Variants in ERC1 observed in about 807,000 individuals in gnomAD.
ERC1 encodes RAB6 interacting protein 2.
Under a neutral mutation model 132.0 loss-of-function variants are expected in ERC1, and 56 were observed. The observed-to-expected ratio is 0.42, with a 90% CI of 0.34 to 0.53. ERC1 has a LOEUF of 0.53. Ranked by LOEUF, ERC1 falls within the 20% of genes least tolerant of loss-of-function variation. The pLI, the probability that ERC1 is intolerant of heterozygous loss-of-function variation, is 0.03. For missense variants in ERC1, 1,202 were observed against 1,349.9 expected (o/e 0.89, Z 1.72); for synonymous variants, 478 against 476.1 (o/e 1.00, Z -0.05).
intron 18 of ERC1, among the ~76,000 whole-genome samples, chr12:1,484,551 T>A (rs1204321424): frequency 4.4e-4 from 67 of 151,948 alleles, no homozygotes; most frequent in Non-Finnish European, 7.4e-5. Flanking sequence ...TTATATTTCT[T>A]GTTCGTTTGT....
Position 1,145,615 on chromosome 12 carries a change from G to C in ERC1, c.1737+3828G>C, listed in dbSNP as rs182015882. Among the ~76,000 whole-genome samples the C allele has an allele frequency of 9.2e-5, 14 of 152,212 alleles. No homozygotes were observed. The East Asian group carries it at 2.7e-3, about 29-fold the overall frequency. On this transcript the variant is annotated intron_variant, in intron 8 of 18. Transcript: ENST00000360905. ...ATCTATTTATCTTTTTGTTGCATTT[G>C]CTTTTGGGTTCTTGTTCATGAAGTC...
chr12:1,336,482 ATTTC>A (rs1333004928), intron 15 of ERC1, among the ~76,000 whole-genome samples: 3 of 152,106 alleles, frequency 2.0e-5, no homozygotes, highest in African/African-American at 7.2e-5. Flanking sequence ...GAACTTCTTG[ATTTC>A]TGCCTTAGTT....
chr12:1,461,671 AAATAAT>A (rs953155266), intron 18 of ERC1, among the ~76,000 whole-genome samples: 1 of 152,120 alleles, frequency 6.6e-6, no homozygotes, highest in Non-Finnish European at 1.5e-5. Flanking sequence ...CTGTCTCAAA[AAATAAT>A]AATAATAATA....
chr12:1,219,632 T>C (rs1335092537), intron 12 of ERC1, among the ~76,000 whole-genome samples: 1 of 131,940 alleles, frequency 7.6e-6, no homozygotes, highest in Non-Finnish European at 1.6e-5. Flanking sequence ...CAGACTGAAC[T>C]CTCTTTTTTT....
intron 18 of ERC1, among the ~76,000 whole-genome samples, chr12:1,474,214 C>T (rs189691311): frequency 3.9e-4 from 60 of 152,192 alleles, no homozygotes; most frequent in African/African-American, 1.3e-3. Context: ...TGTGACACAT[C>T]CTGGGACTTA....
intron 1 of ERC1, among the ~76,000 whole-genome samples, chr12:997,713 G>C (rs577702159): frequency 1.3e-5 from 2 of 152,156 alleles, no homozygotes; most frequent in Non-Finnish European, 2.9e-5. Context: ...AAGATTTTAC[G>C]TAAGGGTTTG....
chr12:1,441,241 A>G (rs990216378), intron 17 of ERC1, among the ~76,000 whole-genome samples: 4 of 151,642 alleles, frequency 2.6e-5, no homozygotes, highest in African/African-American at 9.7e-5. Flanking sequence ...GTATTTTTTT[A>G]GTAGAGATGG....
intron 7 of ERC1, among the ~76,000 whole-genome samples, chr12:1,122,253 ATC>A (rs1200149935): frequency 0.041 from 249 of 6,052 alleles, no homozygotes; most frequent in East Asian, 0.18. Context: ...CTCTATCTCT[ATC>A]TCTATCTCTA....
At chr12:1,033,599 G>T (rs1968493661) in intron 2 of ERC1, among the ~76,000 whole-genome samples, 1 of 152,058 alleles carries the variant, frequency 6.6e-6, no homozygotes, top group East Asian at 1.9e-4. Flanking sequence ...GAGTGGCCAG[G>T]ATTACAGGCG....
chr12:1,059,109 T>C (rs751553354), intron 2 of ERC1, among the ~76,000 whole-genome samples: 3 of 152,222 alleles, frequency 2.0e-5, no homozygotes, highest in Non-Finnish European at 1.5e-5. Context: ...GTAAATGGGA[T>C]TGCATTCTTG....
At chr12:1,045,965 TCAG>T (rs1971012358) in intron 2 of ERC1, among the ~76,000 whole-genome samples, 1 of 152,130 alleles carries the variant, frequency 6.6e-6, no homozygotes, top group Non-Finnish European at 1.5e-5. Flanking sequence ...TCAGTCAACA[TCAG>T]CAGGTGTAAA....
At chr12:1,296,544 G>A (rs2079963535) in intron 15 of ERC1, among the ~76,000 whole-genome samples, 1 of 151,428 alleles carries the variant, frequency 6.6e-6, no homozygotes, top group Non-Finnish European at 1.5e-5. Flanking sequence ...CTCCCGAGTA[G>A]CTGGGATTAC....
chr12:1,290,686 A>G (rs1421801096), intron 15 of ERC1, among the ~76,000 whole-genome samples: 1 of 152,260 alleles, frequency 6.6e-6, no homozygotes, highest in South Asian at 2.1e-4. Context: ...CTCATTTACC[A>G]TTCCTAATCC....
intron 18 of ERC1, among the ~76,000 whole-genome samples, chr12:1,472,920 A>G (rs1469288003): frequency 6.6e-6 from 1 of 152,244 alleles, no homozygotes; most frequent in African/African-American, 2.4e-5. Context: ...AAGTCCCTTT[A>G]TATCACCACT....
chr12:1,451,796 T>TG (rs1175129593), intron 18 of ERC1, among the ~76,000 whole-genome samples: 1 of 152,176 alleles, frequency 6.6e-6, no homozygotes, highest in Admixed American at 6.5e-5. Flanking sequence ...ATTCCTATGT[T>TG]GAAGTCTTAA....
chr12:1,058,695 A>G (rs1254781868), intron 2 of ERC1, among the ~76,000 whole-genome samples: 1 of 151,092 alleles, frequency 6.6e-6, no homozygotes, highest in Non-Finnish European at 1.5e-5. Context: ...CTGGTTCCAT[A>G]TAAACTTGAG....
At chr12:1,217,039 G>A (rs1362523864) in intron 12 of ERC1, among the ~76,000 whole-genome samples, 46 of 152,200 alleles carry the variant, frequency 3.0e-4, no homozygotes, top group Admixed American at 2.9e-3. Context: ...AACAGAAATG[G>A]GTGCTTTGCT....
intron 12 of ERC1, among the ~76,000 whole-genome samples, chr12:1,196,618 TGA>T (rs1472333569): frequency 2.0e-5 from 3 of 151,458 alleles, no homozygotes; most frequent in African/African-American, 7.3e-5. Flanking sequence ...CTCCGTGTCT[TGA>T]GTAGGTGGGA....
chr12:1,292,380 C>T (rs1186222061), intron 15 of ERC1, among the ~76,000 whole-genome samples: 1 of 152,062 alleles, frequency 6.6e-6, no homozygotes, highest in African/African-American at 2.4e-5. Context: ...GAAGTTAAAT[C>T]ACTATACTCA....
Sources: allele counts gnomAD v4.1 joint callset (sites outside exome capture counted in the v4.1 genomes callset), GRCh38; gene constraint gnomAD v4.1.1; transcripts MANE v1.5; gene names NCBI Gene and HGNC (gene_info 2026-07-23, HGNC 2026-07-21).